The following ZNRF3 variants were observed in gnomAD, a reference collection of about 807,000 sequenced individuals.
ZNRF3 encodes E3 ubiquitin-protein ligase ZNRF3.
ZNRF3 carries 23 observed loss-of-function variants against 72.5 expected under a neutral mutation model. The ratio of observed to expected loss-of-function variants is 0.32; its 90% confidence interval spans 0.23 to 0.45. ZNRF3 has a LOEUF of 0.45. Ranked by LOEUF, ZNRF3 falls within the 20% of genes least tolerant of loss-of-function variation. The probability of loss-of-function intolerance (pLI) is 1.00; values close to 1 mark genes in which losing one functional copy is unlikely to be tolerated. For missense variants in ZNRF3, 1,169 were observed against 1,272.1 expected (o/e 0.92, Z 1.23); for synonymous variants, 610 against 545.3 (o/e 1.12, Z -1.65).
At chr22:28,977,695 T>G (rs1291385159) in intron 1 of ZNRF3, among the ~76,000 whole-genome samples, 3 of 152,230 alleles carry the variant, frequency 2.0e-5, no homozygotes, top group East Asian at 3.8e-4. Context: ...ATTAGTTTAG[T>G]ATTTGGCTTC....
chr22:29,023,314 G>A (rs55693021), intron 2 of ZNRF3, among the ~76,000 whole-genome samples: 6,551 of 152,242 alleles, frequency 0.043, 271 homozygotes, highest in African/African-American at 0.11. Context: ...ACCCTCCCCC[G>A]CTGCCAGCAC....
chr22:28,954,373 T>G lies in ZNRF3; in HGVS notation c.301-32703T>G, dbSNP rs888397083. Among the ~76,000 whole-genome samples the G allele has an allele frequency of 3.9e-5, 6 of 152,274 alleles. No homozygotes were observed. In the South Asian group the frequency reaches 1.2e-3, roughly 32 times the overall value. On this transcript the variant is annotated intron_variant, in intron 1 of 8. Coordinates refer to ENST00000544604, the MANE Select transcript of ZNRF3 (RefSeq NM_001206998.2). The stretch of plus-strand genomic sequence containing the variant: ...TGAGCAAGCTCTCTGGCATCTCTTC[T>G]TAGAAGGGTACTAATCTCATCATGA...
At chr22:28,932,295 C>T (rs543193791) in intron 1 of ZNRF3, among the ~76,000 whole-genome samples, 2 of 152,030 alleles carry the variant, frequency 1.3e-5, no homozygotes, top group East Asian at 3.9e-4. Flanking sequence ...GCCGGTATCT[C>T]AAAGGTCACC....
Position 29,054,719 on chromosome 22 carries a change from T to G in ZNRF3, c.*1097T>G, listed in dbSNP as rs2037269432. ...GACCCAGCAGCACACCCATGTGCAG[T>G]GCGCCTGCATCTGTGTGGGGGCAGC... is the stretch of plus-strand genomic sequence containing the variant. On this transcript the variant is annotated 3_prime_UTR_variant, in exon 9 of 9. Transcript: ENST00000544604. The G allele has an allele frequency of 6.6e-6, 1 of 152,666 alleles. No individual in the cohort carries two copies. The highest frequency in any genetic ancestry group is 1.5e-5 in the Non-Finnish European group (1 of 68,108). The allele number at this position is 152,666 out of a possible 1,614,324, so 9.5% of individuals were successfully genotyped here.
At chr22:28,914,069 G>T (rs187236587) in intron 1 of ZNRF3, among the ~76,000 whole-genome samples, 3 of 152,168 alleles carry the variant, frequency 2.0e-5, no homozygotes, top group African/African-American at 7.2e-5. Context: ...CTTTCCAGAT[G>T]TATTTGATCC....
At chr22:28,884,392 A>G (rs2033731567) in intron 1 of ZNRF3, among the ~76,000 whole-genome samples, 1 of 152,184 alleles carries the variant, frequency 6.6e-6, no homozygotes, top group Non-Finnish European at 1.5e-5. Flanking sequence ...CCCGGGAACT[A>G]CCTGTTGAAT....
intron 2 of ZNRF3, among the ~76,000 whole-genome samples, chr22:29,038,881 G>T (rs1249682977): frequency 2.0e-5 from 3 of 151,972 alleles, no homozygotes; most frequent in East Asian, 1.9e-4. Flanking sequence ...TCTCAAACAA[G>T]GTATGTCCTT....
chr22:28,938,702 G>A (rs1178752348), intron 1 of ZNRF3, among the ~76,000 whole-genome samples: 2 of 152,122 alleles, frequency 1.3e-5, no homozygotes, highest in Admixed American at 6.5e-5. Flanking sequence ...AGAATATGAA[G>A]GTGAAGGGTA....
At chr22:29,024,459 G>C (rs1366261104) in intron 2 of ZNRF3, among the ~76,000 whole-genome samples, 1 of 151,976 alleles carries the variant, frequency 6.6e-6, no homozygotes, top group Non-Finnish European at 1.5e-5. Context: ...TTGCTACTGA[G>C]GTCTGCTGTT....
intron 1 of ZNRF3, among the ~76,000 whole-genome samples, chr22:28,948,478 T>A (rs908083415): frequency 6.6e-6 from 1 of 152,266 alleles, no homozygotes; most frequent in African/African-American, 2.4e-5. Flanking sequence ...AAAATATCTT[T>A]TTGTTTTAGA....
chr22:29,055,024 G>A lies in ZNRF3; in HGVS notation c.*1402G>A, dbSNP rs1350575196. 1 of 152,688 alleles carries A rather than the reference G, an allele frequency of 6.5e-6. No homozygotes were observed. The highest frequency in any genetic ancestry group is 2.4e-5 in the African/African-American group (1 of 41,434). The allele number at this position is 152,688 out of a possible 1,614,324, so 9.5% of individuals were successfully genotyped here. A position where few individuals can be genotyped will look rare whatever the true frequency, so the allele number is the denominator to read the frequency against. On this transcript the variant is annotated 3_prime_UTR_variant, in exon 9 of 9. Transcript: ENST00000544604. ...TCAGATAGTTTACACCCAAAGGGTA[G>A]GTTTTTGTATATTTTTCCAGCCTTT...
intron 1 of ZNRF3, among the ~76,000 whole-genome samples, chr22:28,920,053 C>G (rs766789265): frequency 4.0e-5 from 6 of 151,256 alleles, no homozygotes; most frequent in Non-Finnish European, 7.4e-5. Context: ...GCAACCTCTG[C>G]ACCTACCCTG....
chr22:29,044,815 G>A lies in ZNRF3; in HGVS notation c.669G>A (p.Leu223=), dbSNP rs1186182654. 9.9e-6 allele frequency: 16 copies of A among 1,614,002 alleles called. No homozygotes were observed. Among genetic ancestry groups the A allele is most frequent in the Non-Finnish European group, 1.4e-5 (16 of 1,180,028 alleles). The change falls in exon 5 of 9, where the codon CTG becomes CTA. Residue 223 remains leucine (L), a synonymous_variant. Coordinates refer to ENST00000544604, the MANE Select transcript of ZNRF3 (RefSeq NM_001206998.2). ...AATACTTTGACATGGGGATTTTCCT[G>A]GCTTTCTTCGTCGTGGTCTCCTTGG... The part of the protein sequence containing the change: ...PTEYFDMGIF[L]AFFVVVSLVC...
At chr22:28,957,575 G>A (rs143834277) in intron 1 of ZNRF3, among the ~76,000 whole-genome samples, 4,526 of 152,042 alleles carry the variant, frequency 0.03, 141 homozygotes, top group African/African-American at 0.078. Context: ...AAGTAGCTGG[G>A]ACTACAGGCA....
chr22:29,041,884 C>T (rs563967932), intron 2 of ZNRF3, among the ~76,000 whole-genome samples: 2 of 152,196 alleles, frequency 1.3e-5, no homozygotes, highest in Admixed American at 6.5e-5. Flanking sequence ...AAAAAGGAAC[C>T]GCATGAGATG....
chr22:28,972,472 C>T (rs530502405), intron 1 of ZNRF3, among the ~76,000 whole-genome samples: 9 of 152,300 alleles, frequency 5.9e-5, no homozygotes, highest in East Asian at 3.9e-4. Flanking sequence ...AATAATATTC[C>T]GTGGTGTGGG....
At chr22:28,970,533 A>C (rs2035552033) in intron 1 of ZNRF3, among the ~76,000 whole-genome samples, 1 of 152,214 alleles carries the variant, frequency 6.6e-6, no homozygotes, top group Non-Finnish European at 1.5e-5. Context: ...AGAAATAAAA[A>C]CATTTGTCTA....
At chr22:28,935,255 A>G (rs1407900139) in intron 1 of ZNRF3, among the ~76,000 whole-genome samples, 1 of 149,832 alleles carries the variant, frequency 6.7e-6, no homozygotes, top group Non-Finnish European at 1.5e-5. Flanking sequence ...ACCCTTTAGC[A>G]GAAGGTTTTT....
At chr22:28,892,831 A>G (rs571350179) in intron 1 of ZNRF3, among the ~76,000 whole-genome samples, 1 of 152,326 alleles carries the variant, frequency 6.6e-6, no homozygotes, top group Non-Finnish European at 1.5e-5. Flanking sequence ...AACGTATGTT[A>G]GAATGGGGAC....
Sources: gnomAD v4.1 joint callset for allele counts (sites outside exome capture counted in the v4.1 genomes callset) on GRCh38, gnomAD v4.1.1 for gene constraint, MANE v1.5 for transcripts, NCBI Gene and HGNC (gene_info 2026-07-23, HGNC 2026-07-21) for gene names.